The following TMEM201 variants were observed in gnomAD, a reference collection of about 807,000 sequenced individuals.
TMEM201 encodes RP13-15M17.2.
Under a neutral mutation model 63.4 loss-of-function variants are expected in TMEM201, and 26 were observed. The ratio of observed to expected loss-of-function variants is 0.41; its 90% CI spans 0.30 to 0.57. The LOEUF (loss-of-function observed/expected upper bound fraction) is 0.57. TMEM201 is among the 20% of genes least tolerant of loss of function. The probability of loss-of-function intolerance (pLI) is 0.29; values close to 1 mark genes in which losing one functional copy is unlikely to be tolerated. For synonymous variants in TMEM201, 417 were observed against 421.6 expected (o/e 0.99, Z 0.14); for missense variants, 794 against 917.7 (o/e 0.87, Z 1.74).
chr1:9,611,031 T>C (rs1644317311), intron 9 of TMEM201: 4 of 1,528,652 alleles, frequency 2.6e-6, no homozygotes, highest in Non-Finnish European at 3.5e-6. Flanking sequence ...TTCAGGGTCC[T>C]CTGTTTCTTG....
rs1196500776 is a variant in TMEM201, at chr1:9,598,615, C to G, written c.596C>G (p.Thr199Ser). 6.2e-7 allele frequency: 1 copy of G among 1,612,896 alleles called. No homozygotes were observed. Among genetic ancestry groups the G allele is most frequent in the South Asian group, 1.1e-5 (1 of 91,024 alleles). ...TTCAAGCGCCGGGAGGCCGACCAGA[C>G]CCACGCACAGGTGAGAGGCGGCATC... ...HQFKRREADQ[T>S]HAQNFSSAVK... is the part of the protein sequence containing the mutation. Residue 199 changes from threonine to serine, a missense_variant, in exon 4 of 11, where the codon ACC (threonine) becomes AGC (serine). By Grantham distance (58) the Thr-to-Ser change is moderately conservative. Coordinates refer to ENST00000340381, the MANE Select transcript of TMEM201 (RefSeq NM_001130924.3).
chr1:9,592,937 T>C (rs2100450488), intron 1 of TMEM201, among the ~76,000 whole-genome samples: 1 of 152,294 alleles, frequency 6.6e-6, no homozygotes, highest in South Asian at 2.1e-4. Flanking sequence ...GGGCAGCCCC[T>C]CCAGGCCCGA....
Position 9,610,712 on chromosome 1 carries a change from G to C in TMEM201, c.1672G>C (p.Asp558His). The C allele has an allele frequency of 3.2e-6, 5 of 1,550,492 alleles. No individual in the cohort carries two copies. Among genetic ancestry groups the C allele is most frequent in the Non-Finnish European group, 4.4e-6 (5 of 1,146,888 alleles). ...GEAPTTPSSS[D>H]EHSPHNGSLF... ...GGCCCCCACCACGCCCAGCAGCTCC[G>C]ATGAGCACTCGCCTCACAACGGCAG... is the stretch of plus-strand genomic sequence containing the variant. Residue 558 changes from aspartate to histidine, a missense_variant, in exon 9 of 11, where the codon GAT (aspartate) becomes CAT (histidine). Asp to His is a moderately conservative substitution (Grantham distance 81). Transcript: ENST00000340381. This position sits in a 1 kb window ranked among gnomAD's most constrained non-coding sequence, Gnocchi z 4.9.
In TMEM201 at chr1:9,607,611, C is replaced by T. The variant is rs1644264761; in HGVS notation, c.1215C>T (p.Ile405=). The T allele has an allele frequency of 6.4e-7, 1 of 1,551,782 alleles. No homozygotes were observed. The highest frequency in any genetic ancestry group is 8.7e-7 in the Non-Finnish European group (1 of 1,147,046). Reference sequence around the variant, plus strand: ...TCCCCACCAGCCCCAGCTTGGCCATCCCTCACCCGAGTGTCGGAGGCTCTC... The same window carrying T: ...TCCCCACCAGCCCCAGCTTGGCCATTCCTCACCCGAGTGTCGGAGGCTCTC... The part of the protein sequence containing the change: ...GLFPTSPSLA[I]PHPSVGGSPA... The change falls in exon 7 of 11, where the codon ATC becomes ATT. Residue 405 remains isoleucine, a synonymous_variant. Coordinates refer to ENST00000340381, the MANE Select transcript of TMEM201 (RefSeq NM_001130924.3). This position sits in a 1 kb window ranked among gnomAD's most constrained non-coding sequence, Gnocchi z 5.4.
Position 9,605,541 on chromosome 1 carries a change from C to T in TMEM201, c.1161-2016C>T, listed in dbSNP as rs183279252. Among the ~76,000 whole-genome samples, 177 of 152,170 alleles carry T rather than the reference C, an allele frequency of 1.2e-3. 2 individuals are homozygous for T. Among genetic ancestry groups the T allele is most frequent in the African/African-American group, 2.5e-3 (106 of 41,588 alleles). ...TGGGCTCCTTTAGCTGGCGGAGGCT[C>T]GCTGGGGCGCCTGTACAGAGCCCAG... On this transcript the variant is annotated intron_variant, in intron 6 of 10. Coordinates refer to ENST00000340381, the MANE Select transcript of TMEM201 (RefSeq NM_001130924.3). This position sits in a 1 kb window ranked among gnomAD's most constrained non-coding sequence, Gnocchi z 5.7.
In TMEM201 at chr1:9,610,825, C is replaced by A. The variant is rs1186920859; in HGVS notation, c.1765+20C>A. The A allele has an allele frequency of 6.6e-7, 1 of 1,520,028 alleles. No homozygotes were observed. Among genetic ancestry groups the A allele is most frequent in the Admixed American group, 2.0e-5 (1 of 49,520 alleles). 94.2% of individuals were successfully genotyped at this position (1,520,028 alleles called of 1,614,324 possible). ...CCCTGGGTACGGCCTTCTGACCACC[C>A]CAAGGGGCCGTGGGAGGGCCTCTGC... On this transcript the variant is annotated intron_variant, in intron 9 of 10. Coordinates refer to ENST00000340381, the MANE Select transcript of TMEM201 (RefSeq NM_001130924.3). The surrounding 1 kb of genome is among the most constrained non-coding windows in gnomAD (Gnocchi z 4.9).
chr1:9,610,826 C>G lies in TMEM201; in HGVS notation c.1765+21C>G, dbSNP rs968328675. The G allele has an allele frequency of 2.2e-4, 339 of 1,519,530 alleles. No individual in the cohort carries two copies. Among genetic ancestry groups the G allele is most frequent in the Non-Finnish European group, 3.0e-4 (336 of 1,128,230 alleles). The allele number at this position is 1,519,530 out of a possible 1,614,324, so 94.1% of individuals were successfully genotyped here. ...CCTGGGTACGGCCTTCTGACCACCC[C>G]AAGGGGCCGTGGGAGGGCCTCTGCT... is the stretch of plus-strand genomic sequence containing the variant. On this transcript the variant is annotated intron_variant, in intron 9 of 10. Coordinates refer to ENST00000340381, the MANE Select transcript of TMEM201 (RefSeq NM_001130924.3). The surrounding 1 kb of genome is among the most constrained non-coding windows in gnomAD (Gnocchi z 4.9).
At chr1:9,612,880 G>A (rs1644343798) in intron 10 of TMEM201, 106 bp from the exon 11 acceptor site, 1 of 947,504 alleles carries the variant, frequency 1.1e-6, no homozygotes, top group Non-Finnish European at 1.6e-6. Context: ...GAGTACCCTG[G>A]GCAGAGCCTT....
At chr1:9,600,359 C>T (rs1224518601) in intron 4 of TMEM201, among the ~76,000 whole-genome samples, 1 of 152,176 alleles carries the variant, frequency 6.6e-6, no homozygotes, top group Non-Finnish European at 1.5e-5. Context: ...TTCTCAGCTT[C>T]CCTGAGTGTG....
At chr1:9,602,387 T>TGC in intron 6 of TMEM201, 115 bp downstream of exon 6, 3 of 1,421,966 alleles carry the variant, frequency 2.1e-6, no homozygotes, top group Non-Finnish European at 2.8e-6. Context: ...GCTCACGCCC[T>TGC]CCCACCCCCA....
chr1:9,602,850 G>T, intron 6 of TMEM201: 1 of 985,818 alleles, frequency 1.0e-6, no homozygotes, highest in Non-Finnish European at 1.2e-6. Flanking sequence ...GGCTGGACCG[G>T]CCCTGCAGGA....
chr1:9,589,344 C>T (rs1213448557), intron 1 of TMEM201, among the ~76,000 whole-genome samples: 2 of 152,118 alleles, frequency 1.3e-5, no homozygotes, highest in South Asian at 4.1e-4. Context: ...CGGGCCGCCC[C>T]TGCCCTCAGC....
chr1:9,610,963 A>C lies in TMEM201; in HGVS notation c.1765+158A>C. The C allele has an allele frequency of 6.6e-7, 1 of 1,516,300 alleles. No homozygotes were observed. The highest frequency in any genetic ancestry group is 1.2e-5 in the South Asian group (1 of 82,690). The allele number at this position is 1,516,300 out of a possible 1,614,324, so 93.9% of individuals were successfully genotyped here. On this transcript the variant is annotated intron_variant, in intron 9 of 10. Coordinates refer to ENST00000340381, the MANE Select transcript of TMEM201 (RefSeq NM_001130924.3). The surrounding 1 kb of genome is among the most constrained non-coding windows in gnomAD (Gnocchi z 4.9). ...CCCCATTCCGGCTCTGGTGACTTGA[A>C]CCCTCTGGGACATTGACCTCTAATG...
At chr1:9,590,054 T>C (rs1021994003) in intron 1 of TMEM201, among the ~76,000 whole-genome samples, 2 of 151,970 alleles carry the variant, frequency 1.3e-5, no homozygotes, top group African/African-American at 4.8e-5. Flanking sequence ...GAAGTACAGG[T>C]GGTTGAGTCA....
chr1:9,596,165 G>A (rs532130767), intron 2 of TMEM201, among the ~76,000 whole-genome samples, 155 bp downstream of exon 2: 15 of 152,270 alleles, frequency 9.9e-5, no homozygotes, highest in Middle Eastern at 3.4e-3. Flanking sequence ...ATGGTGTTTC[G>A]TGTACATTGT....
chr1:9,607,801 C>G lies in TMEM201; in HGVS notation c.1393+12C>G. The G allele has an allele frequency of 1.3e-6, 2 of 1,550,424 alleles. No individual in the cohort carries two copies. Reference sequence around the variant, plus strand: ...TCTGACTCGAGCAGGTAAGGGGTGCCCAGGCATTGGCAGACAGTCAGGGCT... The same window carrying G: ...TCTGACTCGAGCAGGTAAGGGGTGCGCAGGCATTGGCAGACAGTCAGGGCT... On this transcript the variant is annotated intron_variant, in intron 7 of 10. Coordinates refer to ENST00000340381, the MANE Select transcript of TMEM201 (RefSeq NM_001130924.3). This position sits in a 1 kb window ranked among gnomAD's most constrained non-coding sequence, Gnocchi z 5.4.
intron 1 of TMEM201, among the ~76,000 whole-genome samples, chr1:9,590,807 A>G (rs903494339): frequency 6.6e-6 from 1 of 152,180 alleles, no homozygotes; most frequent in Non-Finnish European, 1.5e-5. Flanking sequence ...GGCCACTGTC[A>G]CGATTCAGAA....
Position 9,611,895 on chromosome 1 carries a change from G to A in TMEM201, c.1903+5G>A. The A allele has an allele frequency of 1.3e-6, 2 of 1,538,314 alleles. No homozygotes were observed. Among genetic ancestry groups the A allele is most frequent in the South Asian group, 1.2e-5 (1 of 83,198 alleles). On this transcript the variant is annotated splice_donor_5th_base_variant and intron_variant, in intron 10 of 10. Coordinates refer to ENST00000340381, the MANE Select transcript of TMEM201 (RefSeq NM_001130924.3). ...AGGAGGCCGCCACCTGGAGAGGTCT[G>A]TACCCTGAGGTGCGGGAGGGGAGGG...
Position 9,610,448 on chromosome 1 carries a change from A to G in TMEM201, c.1466-58A>G, listed in dbSNP as rs2100524308. 1 of 1,411,698 alleles carries G rather than the reference A, an allele frequency of 7.1e-7. No homozygotes were observed. The highest frequency in any genetic ancestry group is 1.4e-5 in the South Asian group (1 of 70,800). 87.4% of individuals were successfully genotyped at this position (1,411,698 alleles called of 1,614,324 possible). ...AATGCCCCCAGAAATGAAATAGCGC[A>G]TTGTAGCGTTGCAGTGACAGGAGCC... On this transcript the variant is annotated intron_variant, in intron 8 of 10. Transcript: ENST00000340381. This position sits in a 1 kb window ranked among gnomAD's most constrained non-coding sequence, Gnocchi z 4.9.
Sources: gnomAD v4.1 joint callset for allele counts (sites outside exome capture counted in the v4.1 genomes callset) on GRCh38, gnomAD v4.1.1 for gene constraint, Gnocchi (gnomAD v3.1) non-coding constraint, MANE v1.5 for transcripts, NCBI Gene and HGNC (gene_info 2026-07-23, HGNC 2026-07-21) for gene names.